The following TNR variants were observed in gnomAD, a reference collection of about 807,000 sequenced individuals.
TNR encodes the protein tenascin-R.
Under a neutral mutation model 150.4 loss-of-function variants are expected in TNR, and 45 were observed. That is an observed-to-expected ratio of 0.30 (90% CI 0.24 to 0.38). The LOEUF is 0.38. TNR is among the 10% of genes least tolerant of loss of function. The pLI is 1.00. For synonymous variants in TNR, 687 were observed against 678.4 expected, an observed-to-expected ratio of 1.01 and a Z score of -0.20; for missense variants, 1,544 against 1,759.1, an observed-to-expected ratio of 0.88 and a Z score of 2.19.
At chr1:175,494,885 C>T (rs1658416565) in intron 2 of TNR, among the ~76,000 whole-genome samples, 2 of 152,166 alleles carry the variant, frequency 1.3e-5, no homozygotes. Context: ...TAAAACAATT[C>T]TTCATCAGGA....
chr1:175,569,806 A>G (rs1302018522), intron 1 of TNR, among the ~76,000 whole-genome samples: 2 of 152,226 alleles, frequency 1.3e-5, no homozygotes, highest in Non-Finnish European at 2.9e-5. Flanking sequence ...CTTATCGGGC[A>G]GGCAGATTTA....
Position 175,657,853 on chromosome 1 carries a change from G to GTATATATA in TNR, c.-165+85365_-165+85372dup, listed in dbSNP as rs59315046. ...GGTGCAGCACACCAACATGGAACATGTATATATATATATATATATATATAT... is the reference window on the plus strand; with the variant it reads ...GGTGCAGCACACCAACATGGAACATGTATATATATATATATATATATATATATATATAT... On this transcript the variant is annotated intron_variant, in intron 1 of 22. Transcript: ENST00000367674. Among the ~76,000 whole-genome samples the GTATATATA allele has an allele frequency of 7.8e-3, 546 of 70,432 alleles. 14 individuals are homozygous for GTATATATA. The highest frequency in any genetic ancestry group is 0.018 in the African/African-American group (312 of 16,968). 46.2% of individuals were successfully genotyped at this position (70,432 alleles called of 152,430 possible). A position where few individuals can be genotyped will look rare whatever the true frequency, so the allele number is the denominator to read the frequency against.
At chr1:175,598,442 CAAAAGG>C (rs566603931) in intron 1 of TNR, among the ~76,000 whole-genome samples, 26 of 152,216 alleles carry the variant, frequency 1.7e-4, no homozygotes, top group African/African-American at 6.3e-4. Flanking sequence ...GGGACACAAA[CAAAAGG>C]AATATTAAAT....
In TNR at chr1:175,422,469, C is replaced by T. The variant is rs564471439; in HGVS notation, c.-63-15692G>A. 1.6e-4 allele frequency among the ~76,000 whole-genome samples: 25 copies of T among 152,344 alleles called. No individual in the cohort carries two copies. In the South Asian group the frequency reaches 5.0e-3, roughly 30 times the overall value. Reference sequence around the variant, plus strand: ...CCACAAATTGGTCTTTCCTGCTTCCCAAGCTTCTGGAATTTTTCTCTCTGC... The same window carrying T: ...CCACAAATTGGTCTTTCCTGCTTCCTAAGCTTCTGGAATTTTTCTCTCTGC... On this transcript the variant is annotated intron_variant, in intron 2 of 22. Coordinates refer to ENST00000367674, the MANE Select transcript of TNR (RefSeq NM_003285.3).
In TNR at chr1:175,416,129, T is replaced by TACAC. The variant is rs3030909; in HGVS notation, c.-63-9356_-63-9353dup. ...AGCTTCTGACAATTATATATATATA[T>TACAC]ACACACACACACACTATATATATAA... On this transcript the variant is annotated intron_variant, in intron 2 of 22. Transcript: ENST00000367674. 6.3e-3 allele frequency among the ~76,000 whole-genome samples: 949 copies of TACAC among 151,342 alleles called. 2 individuals carry two copies. The highest frequency in any genetic ancestry group is 9.9e-3 in the African/African-American group (405 of 41,080).
At chr1:175,492,032 T>TG (rs5778858) in intron 2 of TNR, among the ~76,000 whole-genome samples, 152,327 of 152,338 alleles carry the variant, frequency 1, 76,158 homozygotes, top group Non-Finnish European at 1. Flanking sequence ...CCACTCATTG[T>TG]GGCCAAAGGC....
intron 9 of TNR, among the ~76,000 whole-genome samples, chr1:175,369,591 G>C (rs144979125): frequency 6.6e-6 from 1 of 152,198 alleles, no homozygotes; most frequent in Non-Finnish European, 1.5e-5. Context: ...TGAGGGGACT[G>C]TTATTCAACA....
intron 1 of TNR, among the ~76,000 whole-genome samples, chr1:175,650,492 T>G (rs1248641174): frequency 6.6e-6 from 1 of 151,854 alleles, no homozygotes; most frequent in Non-Finnish European, 1.5e-5. Context: ...TGTATTTGCA[T>G]TATAATAACA....
chr1:175,344,654 A>G (rs1192262219), intron 18 of TNR, among the ~76,000 whole-genome samples: 1 of 152,254 alleles, frequency 6.6e-6, no homozygotes, highest in Non-Finnish European at 1.5e-5. Context: ...GTTGTGCAAG[A>G]TAAAATGAAA....
chr1:175,572,842 A>G (rs551370784), intron 1 of TNR, among the ~76,000 whole-genome samples: 10 of 151,954 alleles, frequency 6.6e-5, no homozygotes, highest in Non-Finnish European at 1.0e-4. Flanking sequence ...AAATTCATCC[A>G]TATGCATTCT....
intron 8 of TNR, 79 bp downstream of exon 8, chr1:175,385,953 C>T (rs932606766): frequency 6.8e-7 from 1 of 1,474,038 alleles, no homozygotes; most frequent in Non-Finnish European, 9.1e-7. Flanking sequence ...TCCTAATACT[C>T]CTCTTGCTGT....
chr1:175,669,014 G>T (rs1238187484), intron 1 of TNR, among the ~76,000 whole-genome samples: 1 of 152,144 alleles, frequency 6.6e-6, no homozygotes, highest in Non-Finnish European at 1.5e-5. Flanking sequence ...GAGCTGCACT[G>T]GGAGGCAGCT....
At chr1:175,644,487 A>G (rs1216335961) in intron 1 of TNR, among the ~76,000 whole-genome samples, 2 of 152,226 alleles carry the variant, frequency 1.3e-5, no homozygotes, top group Admixed American at 6.5e-5. Context: ...GTGTGAGGAC[A>G]TATGTTATAA....
chr1:175,505,294 C>T (rs1658910245), intron 2 of TNR, among the ~76,000 whole-genome samples: 1 of 152,248 alleles, frequency 6.6e-6, no homozygotes, highest in African/African-American at 2.4e-5. Context: ...TCCCACTGGG[C>T]TTATCTCGGG....
chr1:175,403,213 G>A lies in TNR; in HGVS notation c.903C>T (p.Cys301=). 1 of 1,614,064 alleles carries A rather than the reference G, an allele frequency of 6.2e-7. No individual in the cohort carries two copies. Among genetic ancestry groups the A allele is most frequent in the African/African-American group, 1.3e-5 (1 of 74,992 alleles). ...CCTCCTCACATTGTCCTCGCCCACT[G>A]CAGGCATTCAGACACTGCCGCTGGC... ...DCGQRQCLNA[C]SGRGQCEEGL... is the part of the protein sequence containing the mutation. The change falls in exon 4 of 23, where the codon TGC becomes TGT. Residue 301 remains cysteine, a synonymous_variant. Transcript: ENST00000367674.
At chr1:175,440,174 G>A (rs532698104) in intron 2 of TNR, among the ~76,000 whole-genome samples, 27 of 152,084 alleles carry the variant, frequency 1.8e-4, no homozygotes, top group South Asian at 1.0e-3. Context: ...GCACATATAC[G>A]CCATGGAATA....
chr1:175,403,480 C>T lies in TNR; in HGVS notation c.636G>A (p.Gly212=), dbSNP rs750486420. The T allele has an allele frequency of 1.2e-6, 2 of 1,614,210 alleles. No individual in the cohort carries two copies. Among genetic ancestry groups the T allele is most frequent in the South Asian group, 2.2e-5 (2 of 91,078 alleles). The change falls in exon 4 of 23, where the codon GGG becomes GGA. Residue 212 remains glycine, a synonymous_variant. Transcript: ENST00000367674. Reference sequence around the variant, plus strand: ...AGATGCACTGGCCATCCACACACACCCCCCGGCTGGAGCAACCCAGCGGGC... The same window carrying T: ...AGATGCACTGGCCATCCACACACACTCCCCGGCTGGAGCAACCCAGCGGGC... ...PYCPLGCSSR[G]VCVDGQCICD...
intron 1 of TNR, among the ~76,000 whole-genome samples, chr1:175,594,146 G>T (rs1662916350): frequency 6.6e-6 from 1 of 152,138 alleles, no homozygotes; most frequent in Non-Finnish European, 1.5e-5. Context: ...CAGAGAAGGT[G>T]GGTGTACCAA....
chr1:175,664,221 C>A (rs187636677), intron 1 of TNR, among the ~76,000 whole-genome samples: 1 of 152,356 alleles, frequency 6.6e-6, no homozygotes, highest in African/African-American at 2.4e-5. Context: ...TGGACCTAGG[C>A]TTCCTCCCTG....
Sources: gnomAD v4.1 joint callset for allele counts (sites outside exome capture counted in the v4.1 genomes callset) on GRCh38, gnomAD v4.1.1 for gene constraint, MANE v1.5 for transcripts, NCBI Gene and HGNC (gene_info 2026-07-23, HGNC 2026-07-21) for gene names.